Variants in TTLL7 observed in about 807,000 individuals in gnomAD.
The protein encoded by TTLL7 is tubulin polyglutamylase TTLL7.
TTLL7 carries 53 observed loss-of-function variants against 120.2 expected under a neutral mutation model. The observed-to-expected ratio is 0.44, with a 90% CI of 0.35 to 0.55. The LOEUF is 0.55. Ranked by LOEUF, TTLL7 falls within the 20% of genes least tolerant of loss-of-function variation. The pLI is 0.00. For missense variants in TTLL7, 803 were observed against 1,054.7 expected, an observed-to-expected ratio of 0.76 and a Z score of 3.31; for synonymous variants, 353 against 351.7, an observed-to-expected ratio of 1.00 and a Z score of -0.04.
At chr1:83,985,794 T>C (rs1281724296) in intron 1 of TTLL7, among the ~76,000 whole-genome samples, 1 of 152,148 alleles carries the variant, frequency 6.6e-6, no homozygotes, top group Non-Finnish European at 1.5e-5. Flanking sequence ...TTTACTGTTA[T>C]GAATTCAACA....
chr1:83,979,303 T>C (rs1472578026), intron 1 of TTLL7: 1 of 152,216 alleles, frequency 6.6e-6, no homozygotes, highest in Non-Finnish European at 1.5e-5. Context: ...AAAATGTTCC[T>C]TGTGTGCTGA....
intron 18 of TTLL7, among the ~76,000 whole-genome samples, chr1:83,895,018 T>C (rs1174911433): frequency 6.6e-6 from 1 of 152,070 alleles, no homozygotes; most frequent in Non-Finnish European, 1.5e-5. Flanking sequence ...CCTGAAACAG[T>C]CTTCTCCTAT....
chr1:83,983,209 T>C (rs958390289), intron 1 of TTLL7, among the ~76,000 whole-genome samples: 1 of 152,054 alleles, frequency 6.6e-6, no homozygotes, highest in Non-Finnish European at 1.5e-5. Flanking sequence ...GCGCACACTG[T>C]AGTCCCAGCT....
At chr1:83,899,033 T>C (rs1356324193) in intron 18 of TTLL7, among the ~76,000 whole-genome samples, 2 of 151,928 alleles carry the variant, frequency 1.3e-5, no homozygotes, top group Non-Finnish European at 2.9e-5. Context: ...TGAATATAGA[T>C]AAAAGAACCT....
Position 83,866,783 on chromosome 1 carries a change from A to T in TTLL7, c.*3179T>A, listed in dbSNP as rs1156407941. ...TGCTAGTAAAATTAATCAAAATATGAATAACAATAGTTTCTTCAATAGATT... is the reference window on the plus strand; with the variant it reads ...TGCTAGTAAAATTAATCAAAATATGTATAACAATAGTTTCTTCAATAGATT... On this transcript the variant is annotated 3_prime_UTR_variant, in exon 21 of 21. Transcript: ENST00000260505. 6.6e-6 allele frequency: 1 copy of T among 151,978 alleles called. No individual in the cohort carries two copies. The highest frequency in any genetic ancestry group is 2.4e-5 in the African/African-American group (1 of 41,456). The allele number at this position is 151,978 out of a possible 1,614,324, so 9.4% of individuals were successfully genotyped here.
chr1:83,908,273 G>A (rs1657375537), intron 15 of TTLL7, among the ~76,000 whole-genome samples: 1 of 152,102 alleles, frequency 6.6e-6, no homozygotes, highest in South Asian at 2.1e-4. Context: ...CATAGGGAGG[G>A]CTGGAAAGGC....
At chr1:83,985,116 G>A (rs894976029) in intron 1 of TTLL7, among the ~76,000 whole-genome samples, 4 of 152,128 alleles carry the variant, frequency 2.6e-5, no homozygotes, top group Non-Finnish European at 5.9e-5. Context: ...TCCCACAATA[G>A]GCCGCCTGTA....
intron 20 of TTLL7, among the ~76,000 whole-genome samples, chr1:83,879,308 T>C (rs1348437897): frequency 6.6e-6 from 1 of 152,006 alleles, no homozygotes; most frequent in Non-Finnish European, 1.5e-5. Context: ...TTCTCTTCAC[T>C]CCTTGTGTTC....
At chr1:83,981,352 T>C (rs1651934542) in intron 1 of TTLL7, 1 of 151,706 alleles carries the variant, frequency 6.6e-6, no homozygotes. Flanking sequence ...GAAGTGGCTA[T>C]AACAATATCA....
intron 18 of TTLL7, among the ~76,000 whole-genome samples, chr1:83,893,590 T>C (rs1655970029): frequency 6.6e-6 from 1 of 152,116 alleles, no homozygotes; most frequent in South Asian, 2.1e-4. Context: ...TGGAAGCAGA[T>C]GAAAGAATGA....
rs535294911 is a variant in TTLL7 at position 83,905,440 on chromosome 1, T to C, written c.2127+889A>G. On this transcript the variant is annotated intron_variant, in intron 17 of 20. Coordinates refer to ENST00000260505, the MANE Select transcript of TTLL7 (RefSeq NM_024686.6). ...ACTTACTTCAGACAGGTCTAAAGTATATGCTAAAAAACGAAAATGCCAAGT... is the reference window on the plus strand; with the variant it reads ...ACTTACTTCAGACAGGTCTAAAGTACATGCTAAAAAACGAAAATGCCAAGT... Among the ~76,000 whole-genome samples the C allele has an allele frequency of 3.3e-5, 5 of 151,756 alleles. No individual in the cohort carries two copies. The South Asian group carries it at 1.0e-3, about 32-fold the overall frequency.
intron 15 of TTLL7, among the ~76,000 whole-genome samples, chr1:83,910,893 T>G (rs1485501994): frequency 6.6e-6 from 1 of 152,122 alleles, no homozygotes; most frequent in Non-Finnish European, 1.5e-5. Context: ...ATGAGGCACA[T>G]TTTACAAAAC....
chr1:83,991,956 C>T (rs368231239), intron 1 of TTLL7, among the ~76,000 whole-genome samples: 14 of 152,088 alleles, frequency 9.2e-5, no homozygotes, highest in East Asian at 3.8e-4. Context: ...CTCTTAAGCA[C>T]AATATGGAAG....
chr1:83,870,686 G>A (rs1436000071), intron 20 of TTLL7, among the ~76,000 whole-genome samples: 9 of 152,026 alleles, frequency 5.9e-5, no homozygotes, highest in African/African-American at 1.7e-4. Flanking sequence ...TGAGGCAGGC[G>A]GGTCATCTGA....
intron 10 of TTLL7, among the ~76,000 whole-genome samples, chr1:83,922,118 T>C (rs147086023): frequency 4.8e-4 from 73 of 152,122 alleles, no homozygotes; most frequent in African/African-American, 1.6e-3. Flanking sequence ...AACTCTACCA[T>C]ACCATCATTG....
At chr1:83,914,127 T>C (rs959501279) in intron 14 of TTLL7, among the ~76,000 whole-genome samples, 1 of 151,868 alleles carries the variant, frequency 6.6e-6, no homozygotes, top group Non-Finnish European at 1.5e-5. Flanking sequence ...GAACAGTCTC[T>C]GATATCCAAG....
In TTLL7 at chr1:83,889,291, T is replaced by A. The variant is rs151084735; in HGVS notation, c.2369+1030A>T. Among the ~76,000 whole-genome samples the A allele has an allele frequency of 9.5e-4, 144 of 152,212 alleles. 1 individual carries two copies. The highest frequency in any genetic ancestry group is 3.1e-3 in the African/African-American group (129 of 41,554). On this transcript the variant is annotated intron_variant, in intron 19 of 20. Transcript: ENST00000260505. ...AGCAGCATGGGGGTAACCATCCCCATGATTCAATTACCTCCCACCAGGTCC... is the reference window on the plus strand; with the variant it reads ...AGCAGCATGGGGGTAACCATCCCCAAGATTCAATTACCTCCCACCAGGTCC...
At chr1:83,941,930 C>T (rs1218280136) in intron 7 of TTLL7, among the ~76,000 whole-genome samples, 1 of 152,014 alleles carries the variant, frequency 6.6e-6, no homozygotes, top group Admixed American at 6.6e-5. Flanking sequence ...AAGTTGACAG[C>T]CTTCCTTCTC....
intron 1 of TTLL7, among the ~76,000 whole-genome samples, chr1:83,969,098 A>G (rs143147255): frequency 5.9e-5 from 9 of 152,112 alleles, no homozygotes; most frequent in African/African-American, 2.2e-4. Context: ...CAATGTGTCA[A>G]GAACACCATC....
Sources: gnomAD v4.1 joint callset for allele counts (sites outside exome capture counted in the v4.1 genomes callset) on GRCh38, gnomAD v4.1.1 for gene constraint, MANE v1.5 for transcripts, NCBI Gene and HGNC (gene_info 2026-07-23, HGNC 2026-07-21) for gene names.